The following DSCAM variants were observed in gnomAD, a reference collection of about 807,000 sequenced individuals.
The protein encoded by DSCAM is DS cell adhesion molecule, also known as cell adhesion molecule DSCAM.
DSCAM carries 47 observed loss-of-function variants against 217.7 expected under a neutral mutation model. The observed-to-expected ratio is 0.22, with a 90% confidence interval of 0.17 to 0.28. The LOEUF (loss-of-function observed/expected upper bound fraction) is 0.28, where lower values mean the gene tolerates loss of function less well. Ranked by LOEUF, DSCAM falls within the 10% of genes least tolerant of loss-of-function variation. The pLI, the probability that DSCAM is intolerant of heterozygous loss-of-function variation, is 1.00. For synonymous variants in DSCAM, 1,056 were observed against 1,015.3 expected, an observed-to-expected ratio of 1.04 and a Z score of -0.76; for missense variants, 2,080 against 2,618.3, an observed-to-expected ratio of 0.79 and a Z score of 4.49.
intron 3 of DSCAM, among the ~76,000 whole-genome samples, chr21:40,679,348 C>T (rs7280812): frequency 0.96 from 146,734 of 152,320 alleles, 70,714 homozygotes; most frequent in East Asian, 1. Flanking sequence ...CTCTTATGCA[C>T]GTACATAATA....
rs891997203 is a variant in DSCAM at position 40,846,711 on chromosome 21, C to T, written c.-50G>A. ...GCGAGCGACGCGCCGGCCTCGCCCC[C>T]CGCGCTCCGCCCGGCCCGGCTCCGC... On this transcript the variant is annotated 5_prime_UTR_variant, in exon 1 of 33. Coordinates refer to ENST00000400454, the MANE Select transcript of DSCAM (RefSeq NM_001389.5). 24 of 967,482 alleles carry T rather than the reference C, an allele frequency of 2.5e-5. No homozygotes were observed. The highest frequency in any genetic ancestry group is 3.0e-5 in the Non-Finnish European group (24 of 790,194). 59.9% of individuals were successfully genotyped at this position (967,482 alleles called of 1,614,324 possible).
At chr21:40,541,450 T>A (rs989965901) in intron 3 of DSCAM, among the ~76,000 whole-genome samples, 3 of 152,192 alleles carry the variant, frequency 2.0e-5, no homozygotes, top group African/African-American at 7.2e-5. Flanking sequence ...AAGAGAAGAA[T>A]CCTAAACATA....
chr21:40,140,148 G>A (rs2090271720), intron 18 of DSCAM, among the ~76,000 whole-genome samples: 1 of 152,068 alleles, frequency 6.6e-6, no homozygotes, highest in Non-Finnish European at 1.5e-5. Flanking sequence ...GAACTGACCT[G>A]CCTCATAAAC....
At chr21:40,565,312 T>C (rs13052966) in intron 3 of DSCAM, among the ~76,000 whole-genome samples, 10,021 of 152,262 alleles carry the variant, frequency 0.066, 384 homozygotes, top group South Asian at 0.16. Context: ...TCTACTCTTA[T>C]AGAACAGAGA....
At chr21:40,150,794 G>C (rs190944669) in intron 16 of DSCAM, among the ~76,000 whole-genome samples, 2 of 152,168 alleles carry the variant, frequency 1.3e-5, no homozygotes, top group African/African-American at 4.8e-5. Context: ...GTTTTCTGGG[G>C]TATAGAGAAT....
intron 19 of DSCAM, among the ~76,000 whole-genome samples, chr21:40,124,646 A>C (rs2090074993): frequency 2.0e-5 from 3 of 152,092 alleles, no homozygotes; most frequent in Non-Finnish European, 4.4e-5. Flanking sequence ...GTATAGAGGG[A>C]AGATGATGTG....
intron 16 of DSCAM, among the ~76,000 whole-genome samples, chr21:40,148,760 T>G (rs1311109466): frequency 6.6e-6 from 1 of 151,820 alleles, no homozygotes. Context: ...ACCAGCTTCA[T>G]CTCTGTCAAA....
intron 3 of DSCAM, among the ~76,000 whole-genome samples, chr21:40,628,186 C>T (rs1357953636): frequency 2.6e-5 from 4 of 152,144 alleles, no homozygotes; most frequent in Admixed American, 6.5e-5. Context: ...ATCCATACTT[C>T]GATAGCTTAA....
chr21:40,417,186 T>G (rs2123809052), intron 3 of DSCAM, among the ~76,000 whole-genome samples: 1 of 152,342 alleles, frequency 6.6e-6, no homozygotes, highest in South Asian at 2.1e-4. Flanking sequence ...TTTATCTCAT[T>G]TATTTTCATT....
chr21:40,841,683 G>A (rs2123685371), intron 1 of DSCAM, among the ~76,000 whole-genome samples: 1 of 152,240 alleles, frequency 6.6e-6, no homozygotes, highest in East Asian at 1.9e-4. Flanking sequence ...GGCGGCTCCT[G>A]GAATGACATT....
At chr21:40,699,193 G>T (rs12482891) in intron 2 of DSCAM, among the ~76,000 whole-genome samples, 16,173 of 151,970 alleles carry the variant, frequency 0.11, 949 homozygotes, top group Admixed American at 0.17. Flanking sequence ...TATTACTATT[G>T]TAATTGTTTT....
chr21:40,369,367 A>C, intron 3 of DSCAM, 122 bp from the exon 4 acceptor site: 1 of 887,142 alleles, frequency 1.1e-6, no homozygotes, highest in Non-Finnish European at 1.6e-6. Flanking sequence ...AAAGGCTAAA[A>C]ATGGGTGCGT....
At chr21:40,476,488 T>C (rs1039249434) in intron 3 of DSCAM, among the ~76,000 whole-genome samples, 2 of 152,250 alleles carry the variant, frequency 1.3e-5, no homozygotes, top group Non-Finnish European at 2.9e-5. Context: ...TTGATGATGA[T>C]AGTGACAATC....
At chr21:40,252,276 G>A (rs1002696502) in intron 11 of DSCAM, among the ~76,000 whole-genome samples, 4 of 152,120 alleles carry the variant, frequency 2.6e-5, no homozygotes, top group African/African-American at 7.3e-5. Context: ...GTATGCATGG[G>A]TGGCCCTAAT....
In DSCAM at chr21:40,066,388, C is replaced by T. The variant is rs1601292395; in HGVS notation, c.4889-3489G>A. 2.6e-5 allele frequency among the ~76,000 whole-genome samples: 4 copies of T among 152,246 alleles called. No homozygotes were observed. The East Asian group carries it at 7.7e-4, about 29-fold the overall frequency. On this transcript the variant is annotated intron_variant, in intron 27 of 32. Transcript: ENST00000400454. The stretch of plus-strand genomic sequence containing the variant: ...TAGCTGCATTTCCCTTGCTTGGCCT[C>T]AGCTTTCTCTTTTCTGGGTTACATT...
At position 40,014,242 on chromosome 21, in the gene DSCAM, C is replaced by T. The variant is rs2018944; in HGVS notation, c.5687-856G>A. Among the ~76,000 whole-genome samples, 724 of 152,196 alleles carry T rather than the reference C, an allele frequency of 4.8e-3. 3 individuals carry two copies. Among genetic ancestry groups the T allele is most frequent in the African/African-American group, 0.016 (668 of 41,550 alleles). On this transcript the variant is annotated intron_variant, in intron 32 of 32. Transcript: ENST00000400454. Reference sequence around the variant, plus strand: ...CCCCTCTCTACTAAAAATACAAAAACTAGCCAAGCATGATGGTGGGCGCCT... The same window carrying T: ...CCCCTCTCTACTAAAAATACAAAAATTAGCCAAGCATGATGGTGGGCGCCT...
intron 3 of DSCAM, among the ~76,000 whole-genome samples, chr21:40,667,753 A>G (rs2090221081): frequency 6.6e-6 from 1 of 152,120 alleles, no homozygotes. Flanking sequence ...CATGTGAAGA[A>G]GGATGTGTTT....
chr21:40,038,977 T>C (rs1382760347), intron 32 of DSCAM, among the ~76,000 whole-genome samples: 5 of 127,188 alleles, frequency 3.9e-5, no homozygotes, highest in Non-Finnish European at 7.7e-5. Flanking sequence ...TGAGATCACA[T>C]GGACACAGGA....
chr21:40,431,046 C>A (rs2075526274), intron 3 of DSCAM, among the ~76,000 whole-genome samples: 1 of 152,190 alleles, frequency 6.6e-6, no homozygotes, highest in Non-Finnish European at 1.5e-5. Context: ...GAATATGGAG[C>A]ATCTCTATGT....
Sources: allele counts gnomAD v4.1 joint callset (sites outside exome capture counted in the v4.1 genomes callset), GRCh38; gene constraint gnomAD v4.1.1; transcripts MANE v1.5; gene names NCBI Gene and HGNC (gene_info 2026-07-23, HGNC 2026-07-21).